NFIB: variants seen among roughly 807,000 people sequenced by gnomAD.
The protein encoded by NFIB is nuclear factor 1 B-type.
In NFIB, 11 loss-of-function variants were observed where a neutral mutation model predicts 61.5. The observed-to-expected ratio is 0.18, with a 90% CI of 0.11 to 0.30. The LOEUF is 0.30. Among genes scored for constraint, NFIB ranks in the 10% least tolerant of loss-of-function variants. NFIB has a pLI of 1.00. For synonymous variants in NFIB, 260 were observed against 216.5 expected (o/e 1.20, Z -1.76); for missense variants, 471 against 608.9 (o/e 0.77, Z 2.38).
chr9:14,267,597 T>C (rs969592115), intron 2 of NFIB, among the ~76,000 whole-genome samples: 3 of 152,170 alleles, frequency 2.0e-5, no homozygotes, highest in African/African-American at 4.8e-5. Flanking sequence ...AATCTATGTA[T>C]TATCTATGAC....
At chr9:14,228,986 T>C (rs1239565800) in intron 2 of NFIB, among the ~76,000 whole-genome samples, 4 of 151,538 alleles carry the variant, frequency 2.6e-5, no homozygotes, top group East Asian at 1.9e-4. Flanking sequence ...CATTATTATA[T>C]GTACCACCTA....
At chr9:14,511,591 G>C in the NFIB span, among the ~76,000 whole-genome samples, 1 of 152,108 alleles carries the variant, frequency 6.6e-6, no homozygotes, top group Non-Finnish European at 1.5e-5. Flanking sequence ...GAAGCTAAAA[G>C]GCTAGCCTGA....
intron 2 of NFIB, among the ~76,000 whole-genome samples, chr9:14,231,048 C>A (rs370953764): frequency 7.5e-5 from 11 of 147,050 alleles, no homozygotes; most frequent in Non-Finnish European, 1.6e-4. Flanking sequence ...GCCACTCTGT[C>A]ACTAGAACAA....
At chr9:14,300,430 C>T (rs1157126977) in intron 2 of NFIB, among the ~76,000 whole-genome samples, 1 of 152,150 alleles carries the variant, frequency 6.6e-6, no homozygotes, top group Non-Finnish European at 1.5e-5. Flanking sequence ...CCTTAAGTGC[C>T]GCAAGTTCTA....
At chr9:14,118,502 T>A (rs2038459158) in intron 8 of NFIB, among the ~76,000 whole-genome samples, 1 of 152,090 alleles carries the variant, frequency 6.6e-6, no homozygotes, top group Admixed American at 6.5e-5. Context: ...CCCAAGTCAA[T>A]GCAGACAACT....
the NFIB span, among the ~76,000 whole-genome samples, chr9:14,480,694 A>C: frequency 1.3e-5 from 2 of 152,152 alleles, no homozygotes; most frequent in South Asian, 4.1e-4. Context: ...AAGCAAAAGG[A>C]GGTAAATGAG....
intron 2 of NFIB, among the ~76,000 whole-genome samples, chr9:14,248,405 G>C (rs2055187805): frequency 6.6e-6 from 1 of 151,434 alleles, no homozygotes; most frequent in Admixed American, 6.6e-5. Context: ...AGAGTAGCTG[G>C]GATTACAGGC....
At chr9:14,220,475 A>T (rs941032818) in intron 2 of NFIB, among the ~76,000 whole-genome samples, 12 of 152,130 alleles carry the variant, frequency 7.9e-5, no homozygotes, top group Non-Finnish European at 1.6e-4. Context: ...AAGGCAGGAT[A>T]GTTCTGGGCA....
At chr9:14,348,947 C>A (rs2061070131) in intron 1 of NFIB, among the ~76,000 whole-genome samples, 1 of 152,238 alleles carries the variant, frequency 6.6e-6, no homozygotes, top group East Asian at 1.9e-4. Flanking sequence ...GCTCCCGCCC[C>A]CACCTTGCGC....
At chr9:14,276,584 A>G (rs1429856534) in intron 2 of NFIB, among the ~76,000 whole-genome samples, 4 of 152,120 alleles carry the variant, frequency 2.6e-5, no homozygotes, top group African/African-American at 4.8e-5. Context: ...CACTTCCTAC[A>G]TGTGAAATAC....
chr9:14,253,243 C>T (rs368342205), intron 2 of NFIB, among the ~76,000 whole-genome samples: 2 of 152,130 alleles, frequency 1.3e-5, no homozygotes, highest in Middle Eastern at 3.2e-3. Context: ...GCATCATATC[C>T]TACTGCTAAC....
chr9:14,459,650 T>C, the NFIB span, among the ~76,000 whole-genome samples: 1 of 151,814 alleles, frequency 6.6e-6, no homozygotes, highest in Non-Finnish European at 1.5e-5. Flanking sequence ...GAATCTACAA[T>C]GAACTCAAAC....
At chr9:14,385,402 T>A (rs2061538068) in intron 1 of NFIB, among the ~76,000 whole-genome samples, 1 of 152,196 alleles carries the variant, frequency 6.6e-6, no homozygotes, top group Non-Finnish European at 1.5e-5. Context: ...GATACAGCCA[T>A]CATACAGAGG....
chr9:14,383,985 C>A (rs2061520270), intron 1 of NFIB, among the ~76,000 whole-genome samples: 3 of 152,206 alleles, frequency 2.0e-5, no homozygotes, highest in Admixed American at 2.0e-4. Context: ...CAAGGCCTTG[C>A]AGAGAAAAGG....
At chr9:14,520,868 A>G in the NFIB span, among the ~76,000 whole-genome samples, 2 of 152,214 alleles carry the variant, frequency 1.3e-5, no homozygotes, top group Admixed American at 1.3e-4. Context: ...GGAAGGCCCA[A>G]AAAGTGAGAA....
upstream of NFIB, among the ~76,000 whole-genome samples, chr9:14,315,617 GC>G: frequency 6.8e-6 from 1 of 147,746 alleles, no homozygotes; most frequent in African/African-American, 2.4e-5. Flanking sequence ...CGGCGCCCGC[GC>G]CGGCTCCCCA....
At chr9:14,479,524 G>C in the NFIB span, among the ~76,000 whole-genome samples, 1 of 152,186 alleles carries the variant, frequency 6.6e-6, no homozygotes, top group Non-Finnish European at 1.5e-5. Flanking sequence ...ACACAGGACA[G>C]TTCCTTGCAC....
upstream of NFIB, among the ~76,000 whole-genome samples, chr9:14,401,328 A>G (rs1481264828): frequency 2.6e-5 from 4 of 152,154 alleles, no homozygotes; most frequent in Non-Finnish European, 5.9e-5. Context: ...ACTGAAATCA[A>G]TCTTGTGGCA....
intron 1 of NFIB, among the ~76,000 whole-genome samples, chr9:14,323,805 G>T (rs1175883829): frequency 1.3e-5 from 2 of 152,088 alleles, no homozygotes; most frequent in African/African-American, 4.8e-5. Flanking sequence ...TTAAAAAAAG[G>T]CATGGCCTTA....
Sources: gnomAD v4.1 joint callset for allele counts (sites outside exome capture counted in the v4.1 genomes callset) on GRCh38, gnomAD v4.1.1 for gene constraint, MANE v1.5 for transcripts, NCBI Gene and HGNC (gene_info 2026-07-23, HGNC 2026-07-21) for gene names.